URB2: variants seen among roughly 807,000 people sequenced by gnomAD.
The protein encoded by URB2 is unhealthy ribosome biogenesis protein 2 homolog.
A neutral mutation model predicts 120.9 loss-of-function variants in URB2; 86 were observed. The observed-to-expected ratio is 0.71, with a 90% confidence interval of 0.60 to 0.85. The LOEUF (loss-of-function observed/expected upper bound fraction) is 0.85. URB2 is among the 40% of genes least tolerant of loss of function. URB2 has a pLI of 0.00. For missense variants in URB2, 1,765 were observed against 1,836.5 expected (o/e 0.96, Z 0.71); for synonymous variants, 755 against 758.4 (o/e 1.00, Z 0.07).
At chr1:229,653,833 ATC>A (rs1666337337) in intron 8 of URB2, among the ~76,000 whole-genome samples, 1 of 151,602 alleles carries the variant, frequency 6.6e-6, no homozygotes, top group Admixed American at 6.6e-5. Context: ...AATTTAGGGT[ATC>A]TCATTTTTTA....
At position 229,629,536 on chromosome 1, in the gene URB2, G is replaced by C. The variant is rs565041022; in HGVS notation, c.126+1777G>C. Among the ~76,000 whole-genome samples, 13 of 152,310 alleles carry C rather than the reference G, an allele frequency of 8.5e-5. No individual in the cohort carries two copies. In the East Asian group the frequency reaches 2.3e-3, roughly 27 times the overall value. ...TTATGTTTATACTATACTGTGGTTT[G>C]TTAAGAATGCAATAGCATTATGCCT... On this transcript the variant is annotated intron_variant, in intron 2 of 9. Coordinates refer to ENST00000258243, the MANE Select transcript of URB2 (RefSeq NM_014777.4).
rs1003949639 is a variant in URB2 at position 229,636,984 on chromosome 1, A to G, written c.2371A>G (p.Ile791Val). The change falls in exon 4 of 10, where the codon ATA becomes GTA. Residue 791 changes from isoleucine to valine, a missense_variant. Coordinates refer to ENST00000258243, the MANE Select transcript of URB2 (RefSeq NM_014777.4). ...AGAGGCATACATCACACTGGAAAAAATATCCAAAGCCTTCCTTCATAGCCC... is the reference window on the plus strand; with the variant it reads ...AGAGGCATACATCACACTGGAAAAAGTATCCAAAGCCTTCCTTCATAGCCC... ...DEEAYITLEK[I>V]SKAFLHSPLF... 1.9e-6 allele frequency: 3 copies of G among 1,614,112 alleles called. No individual in the cohort carries two copies. Among genetic ancestry groups the G allele is most frequent in the Non-Finnish European group, 2.5e-6 (3 of 1,180,046 alleles).
At chr1:229,633,080 C>T (rs1399382227) in intron 3 of URB2, among the ~76,000 whole-genome samples, 1 of 152,246 alleles carries the variant, frequency 6.6e-6, no homozygotes, top group Non-Finnish European at 1.5e-5. Context: ...GTTAGTGGCA[C>T]AGCTGGGATT....
rs1236667990 is a variant in URB2, at chr1:229,647,656, C to A, written c.4053C>A (p.Leu1351=). ...HHVSLAFSIL[L]TVPLDHLKPL... ...TCAGCCTGGCCTTCAGCATCCTTCT[C>A]ACTGTCCCTTTGGACCATCTGAAGC... Residue 1351 remains leucine, a synonymous_variant, in exon 7 of 10, where the codon CTC becomes CTA. Coordinates refer to ENST00000258243, the MANE Select transcript of URB2 (RefSeq NM_014777.4). 3.7e-6 allele frequency: 6 copies of A among 1,614,080 alleles called. No individual in the cohort carries two copies. The highest frequency in any genetic ancestry group is 5.1e-6 in the Non-Finnish European group (6 of 1,180,048).
chr1:229,642,631 G>T (rs1177030186), intron 4 of URB2, among the ~76,000 whole-genome samples: 1 of 152,172 alleles, frequency 6.6e-6, no homozygotes, highest in Non-Finnish European at 1.5e-5. Flanking sequence ...ATGGGGAACA[G>T]CTGGGTGACT....
intron 8 of URB2, among the ~76,000 whole-genome samples, chr1:229,653,606 A>C (rs1208776655): frequency 1.3e-5 from 2 of 152,166 alleles, no homozygotes; most frequent in African/African-American, 4.8e-5. Context: ...GCTGTAACTC[A>C]AGCTGTGGGG....
rs1665894935 is a variant in URB2 at position 229,637,967 on chromosome 1, A to G, written c.3354A>G (p.Ser1118=). The G allele has an allele frequency of 1.1e-5, 18 of 1,613,352 alleles. No individual in the cohort carries two copies. Among genetic ancestry groups the G allele is most frequent in the Admixed American group, 1.7e-5 (1 of 59,962 alleles). The change falls in exon 4 of 10, where the codon TCA becomes TCG. Residue 1118 remains serine, a synonymous_variant. Transcript: ENST00000258243. Reference sequence around the variant, plus strand: ...GGCGCCTTCCCTCGGTCCTCATCTCATCCGTCAGCACGCTCTTGGAAGCCG... The same window carrying G: ...GGCGCCTTCCCTCGGTCCTCATCTCGTCCGTCAGCACGCTCTTGGAAGCCG... ...RGWRLPSVLI[S]SVSTLLEADL... is the part of the protein sequence containing the mutation.
intron 8 of URB2, among the ~76,000 whole-genome samples, chr1:229,652,138 C>T (rs964256951): frequency 1.3e-5 from 2 of 151,658 alleles, no homozygotes; most frequent in Admixed American, 6.6e-5. Context: ...GCTGAGATCG[C>T]GCCATTGCAC....
At chr1:229,653,384 A>T (rs940079990) in intron 8 of URB2, among the ~76,000 whole-genome samples, 7 of 152,210 alleles carry the variant, frequency 4.6e-5, no homozygotes, top group African/African-American at 2.4e-5. Flanking sequence ...CGTCCCCACA[A>T]TCAAAATATA....
intron 8 of URB2, 81 bp from the exon 9 acceptor site, chr1:229,654,168 C>A: frequency 1.3e-6 from 2 of 1,562,298 alleles, no homozygotes; most frequent in Admixed American, 3.6e-5. Context: ...TAATTTTCAC[C>A]CATATTAAAA....
chr1:229,651,089 A>C, intron 7 of URB2, 146 bp from the exon 8 acceptor site: 1 of 565,670 alleles, frequency 1.8e-6, no homozygotes, highest in South Asian at 2.7e-5. Flanking sequence ...TCCAGGCGAA[A>C]GGATGTGGCT....
intron 8 of URB2, 104 bp from the exon 9 acceptor site, chr1:229,654,145 G>GT: frequency 6.6e-7 from 1 of 1,519,156 alleles, no homozygotes. Context: ...GGGAAAACAT[G>GT]TAACACTTGA....
intron 3 of URB2, among the ~76,000 whole-genome samples, chr1:229,632,839 C>T (rs1251705402): frequency 1.4e-5 from 2 of 143,944 alleles, no homozygotes; most frequent in African/African-American, 5.2e-5. Flanking sequence ...TTTGCCACTA[C>T]GGCCTTCGAG....
In URB2 at chr1:229,635,978, T is replaced by G; in HGVS notation, c.1365T>G (p.Thr455=). 2 of 1,614,206 alleles carry G rather than the reference T, an allele frequency of 1.2e-6. No homozygotes were observed. The highest frequency in any genetic ancestry group is 1.7e-6 in the Non-Finnish European group (2 of 1,180,032). Reference sequence around the variant, plus strand: ...AAGCCCAGGAGGCGCTTATTCGTACTGTCTTCCAGACTTATGCCAAACTCC... The same window carrying G: ...AAGCCCAGGAGGCGCTTATTCGTACGGTCTTCCAGACTTATGCCAAACTCC... The part of the protein sequence containing the change: ...TKKAQEALIR[T]VFQTYAKLRQ... Residue 455 remains threonine, a synonymous_variant, in exon 4 of 10, where the codon ACT becomes ACG. Transcript: ENST00000258243.
Position 229,638,250 on chromosome 1 carries a change from A to G in URB2, c.3634+3A>G, listed in dbSNP as rs763566842. The G allele has an allele frequency of 1.3e-6, 2 of 1,586,530 alleles. No individual in the cohort carries two copies. The highest frequency in any genetic ancestry group is 3.6e-5 in the Admixed American group (2 of 56,036). ...TTCTGTGAGAAGAGTTCTTGCAGGT[A>G]AGATATTTTCTCTTGAGCTAATTCT... On this transcript the variant is annotated splice_donor_region_variant and intron_variant, in intron 4 of 9. Transcript: ENST00000258243.
At chr1:229,646,270 G>C (rs1355143559) in intron 6 of URB2, among the ~76,000 whole-genome samples, 1 of 152,198 alleles carries the variant, frequency 6.6e-6, no homozygotes, top group Non-Finnish European at 1.5e-5. Context: ...GTGGAGGCCT[G>C]CTTAATTTTT....
At chr1:229,645,821 G>A (rs374690356) in intron 5 of URB2, 38 bp from the exon 6 acceptor site, 43 of 1,565,614 alleles carry the variant, frequency 2.7e-5, no homozygotes, top group Non-Finnish European at 3.4e-5. Context: ...GGGAGAACAC[G>A]CTATCTCTGC....
At chr1:229,658,906 A>G (rs1666461040) in intron 9 of URB2, among the ~76,000 whole-genome samples, 194 bp from the exon 10 acceptor site, 1 of 152,214 alleles carries the variant, frequency 6.6e-6, no homozygotes, top group South Asian at 2.1e-4. Context: ...CCAAAATACA[A>G]ACTTTAAAAA....
chr1:229,650,472 T>A (rs902449364), intron 7 of URB2, among the ~76,000 whole-genome samples: 4 of 151,900 alleles, frequency 2.6e-5, no homozygotes, highest in Non-Finnish European at 5.9e-5. Context: ...GCTCTGTCAC[T>A]CAGGCTGGAG....
Sources: gnomAD v4.1 joint callset for allele counts (sites outside exome capture counted in the v4.1 genomes callset) on GRCh38, gnomAD v4.1.1 for gene constraint, MANE v1.5 for transcripts, NCBI Gene and HGNC (gene_info 2026-07-23, HGNC 2026-07-21) for gene names.